The following GAS7 variants were observed in gnomAD, a reference collection of about 807,000 sequenced individuals.
The protein encoded by GAS7 is growth arrest specific 7, also known as growth arrest-specific protein 7.
Under a neutral mutation model 71.1 loss-of-function variants are expected in GAS7, and 28 were observed. The observed-to-expected ratio is 0.39, with a 90% CI of 0.29 to 0.54. The LOEUF (loss-of-function observed/expected upper bound fraction) is 0.54. Among genes scored for constraint, GAS7 ranks in the 20% least tolerant of loss-of-function variants. GAS7 has a pLI of 0.62. For missense variants in GAS7, 436 were observed against 627.8 expected (o/e 0.69, Z 3.27); for synonymous variants, 258 against 245.8 (o/e 1.05, Z -0.46).
rs1013260774 is a variant in GAS7 at position 10,010,417 on chromosome 17, G to T, written c.304+9360C>A. ...TCCGCCCGCCTCAGCCTCCCAAAGT[G>T]CTGGGTTTACAGGCATGAGCCACCG... On this transcript the variant is annotated intron_variant, in intron 2 of 13. Coordinates refer to ENST00000432992, the MANE Select transcript of GAS7 (RefSeq NM_201433.2). 3.9e-5 allele frequency among the ~76,000 whole-genome samples: 6 copies of T among 152,166 alleles called. No individual in the cohort carries two copies. The South Asian group carries it at 1.2e-3, about 32-fold the overall frequency.
intron 1 of GAS7, among the ~76,000 whole-genome samples, chr17:10,065,234 G>C (rs1257017050): frequency 6.6e-6 from 1 of 152,210 alleles, no homozygotes; most frequent in African/African-American, 2.4e-5. Context: ...TTAGAGATTT[G>C]GTTCCTTTCT....
intron 2 of GAS7, among the ~76,000 whole-genome samples, chr17:10,012,845 G>C (rs2071829686): frequency 6.6e-6 from 1 of 152,054 alleles, no homozygotes; most frequent in Non-Finnish European, 1.5e-5. Context: ...GCTCACGCCT[G>C]TAATCCCAGC....
intron 1 of GAS7, among the ~76,000 whole-genome samples, chr17:10,090,100 C>T (rs1169935916): frequency 6.6e-6 from 1 of 151,648 alleles, no homozygotes; most frequent in African/African-American, 2.4e-5. Flanking sequence ...ACCCGGGAGG[C>T]AGAGGTTGCA....
In GAS7 at chr17:9,912,861, A is replaced by G. The variant is rs2067476179; in HGVS notation, c.*4367T>C. 1 of 232,748 alleles carries G rather than the reference A, an allele frequency of 4.3e-6. No homozygotes were observed. The highest frequency in any genetic ancestry group is 2.2e-5 in the African/African-American group (1 of 45,342). 14.4% of individuals were successfully genotyped at this position (232,748 alleles called of 1,614,324 possible). A position where few individuals can be genotyped will look rare whatever the true frequency, so the allele number is the denominator to read the frequency against. ...AGAAGCAGAGTAGTACGCCCATGCA[A>G]TGAAATACTTCCCGGCAAGGAGAAG... On this transcript the variant is annotated 3_prime_UTR_variant, in exon 14 of 14. Transcript: ENST00000432992.
At chr17:10,008,782 C>T (rs2071637308) in intron 2 of GAS7, among the ~76,000 whole-genome samples, 1 of 152,118 alleles carries the variant, frequency 6.6e-6, no homozygotes, top group South Asian at 2.1e-4. Flanking sequence ...CTCTCTCTCT[C>T]TCTCACACAC....
At chr17:9,964,165 C>G (rs1179015758) in intron 4 of GAS7, among the ~76,000 whole-genome samples, 1 of 152,114 alleles carries the variant, frequency 6.6e-6, no homozygotes, top group Non-Finnish European at 1.5e-5. Context: ...GCCCAGGGGT[C>G]AGGACACCCC....
At position 10,159,954 on chromosome 17, in the gene GAS7, T is replaced by C. The variant is rs764333925; in HGVS notation, c.183+38254A>G. Among the ~76,000 whole-genome samples the C allele has an allele frequency of 3.6e-4, 55 of 150,786 alleles. 1 individual carries two copies. The highest frequency in any genetic ancestry group is 3.3e-4 in the Admixed American group (5 of 15,208). The stretch of plus-strand genomic sequence containing the variant: ...GTGCATGCCACCACACCTAGCTAAT[T>C]TTTTTGTAGAGACAGGGTTTCCCCA... On this transcript the variant is annotated intron_variant, in intron 1 of 13. Transcript: ENST00000432992.
intron 1 of GAS7, among the ~76,000 whole-genome samples, chr17:10,164,440 C>CAA (rs765625699): frequency 0.29 from 33,242 of 115,568 alleles, 4,176 homozygotes; most frequent in Middle Eastern, 0.32. Context: ...GACTCTGTCT[C>CAA]AAAAAAAAAA....
At chr17:10,066,227 C>G (rs928335232) in intron 1 of GAS7, among the ~76,000 whole-genome samples, 5 of 152,202 alleles carry the variant, frequency 3.3e-5, no homozygotes, top group Non-Finnish European at 5.9e-5. Context: ...GTCGCCCAAG[C>G]TGGAGTGCAA....
At position 9,916,945 on chromosome 17, in the gene GAS7, A is replaced by G. The variant is rs148350173; in HGVS notation, c.*283T>C. 1.6e-5 allele frequency: 8 copies of G among 515,126 alleles called. No individual in the cohort carries two copies. In the Admixed American group the frequency reaches 1.9e-4, roughly 12 times the overall value. 31.9% of individuals were successfully genotyped at this position (515,126 alleles called of 1,614,324 possible). A position where few individuals can be genotyped will look rare whatever the true frequency, so the allele number is the denominator to read the frequency against. ...CCTACAAAACTCGGCAAGGACCACA[A>G]AGTTCCAGCCTCTGTTTGTTTCAGA... On this transcript the variant is annotated 3_prime_UTR_variant, in exon 14 of 14. Transcript: ENST00000432992.
intron 1 of GAS7, among the ~76,000 whole-genome samples, chr17:10,035,354 T>C (rs937778323): frequency 6.6e-6 from 1 of 152,190 alleles, no homozygotes; most frequent in African/African-American, 2.4e-5. Flanking sequence ...TGGCTATCAA[T>C]GCAGAGCCCC....
chr17:10,162,066 CAAA>C (rs58368044), intron 1 of GAS7, among the ~76,000 whole-genome samples: 38 of 103,580 alleles, frequency 3.7e-4, no homozygotes, highest in East Asian at 8.0e-4. Flanking sequence ...GACTCCATCT[CAAA>C]AAAAAAAAAA....
At chr17:10,031,188 C>A (rs1315482533) in intron 1 of GAS7, among the ~76,000 whole-genome samples, 1 of 152,230 alleles carries the variant, frequency 6.6e-6, no homozygotes, top group African/African-American at 2.4e-5. Flanking sequence ...ACCCTGCAAA[C>A]CCCCAGCACA....
chr17:10,002,555 C>T (rs909595669), intron 2 of GAS7, among the ~76,000 whole-genome samples: 4 of 152,066 alleles, frequency 2.6e-5, no homozygotes, highest in Non-Finnish European at 4.4e-5. Context: ...TGCTATCCCT[C>T]CCCCGTCCCC....
chr17:10,145,313 C>A (rs1276952672), intron 1 of GAS7, among the ~76,000 whole-genome samples: 1 of 152,244 alleles, frequency 6.6e-6, no homozygotes, highest in Non-Finnish European at 1.5e-5. Context: ...GGAAAGTACA[C>A]AGGAAGGAAA....
intron 1 of GAS7, among the ~76,000 whole-genome samples, chr17:10,173,487 G>A (rs191162417): frequency 2.7e-5 from 4 of 150,790 alleles, no homozygotes; most frequent in Non-Finnish European, 4.4e-5. Context: ...ACCCTCTCTC[G>A]GCCAGGCGCG....
At chr17:10,123,706 T>C (rs541376447) in intron 1 of GAS7, among the ~76,000 whole-genome samples, 1 of 152,264 alleles carries the variant, frequency 6.6e-6, no homozygotes, top group East Asian at 1.9e-4. Flanking sequence ...CCAACAAACG[T>C]GGGCTCCATT....
chr17:9,995,386 C>G (rs145056422), intron 2 of GAS7, among the ~76,000 whole-genome samples: 5 of 151,868 alleles, frequency 3.3e-5, no homozygotes, highest in Non-Finnish European at 7.4e-5. Context: ...GATAAAGAGA[C>G]GAGGGAAAGA....
intron 12 of GAS7, among the ~76,000 whole-genome samples, chr17:9,918,330 C>T (rs1407456528): frequency 2.0e-5 from 3 of 152,218 alleles, no homozygotes; most frequent in Non-Finnish European, 4.4e-5. Context: ...GTGCTGAGGG[C>T]TTTACGTGCG....
Sources: gnomAD v4.1 joint callset for allele counts (sites outside exome capture counted in the v4.1 genomes callset) on GRCh38, gnomAD v4.1.1 for gene constraint, MANE v1.5 for transcripts, NCBI Gene and HGNC (gene_info 2026-07-23, HGNC 2026-07-21) for gene names.